Variants in VPS13C observed in about 807,000 individuals in gnomAD.
The protein encoded by VPS13C is vacuolar protein sorting 13 homolog C.
VPS13C carries 358 observed loss-of-function variants against 456.8 expected under a neutral mutation model. The ratio of observed to expected loss-of-function variants is 0.78; its 90% CI spans 0.72 to 0.86. VPS13C has a LOEUF of 0.86. Among genes scored for constraint, VPS13C ranks in the 40% least tolerant of loss-of-function variants. The pLI, the probability that VPS13C is intolerant of heterozygous loss-of-function variation, is 0.00. For missense variants in VPS13C, 4,818 were observed against 4,385.4 expected (o/e 1.10, Z -2.79); for synonymous variants, 1,578 against 1,486.7 (o/e 1.06, Z -1.41).
At chr15:61,951,691 T>C (rs765054222) in intron 39 of VPS13C, 133 bp downstream of exon 39, 16 of 902,728 alleles carry the variant, frequency 1.8e-5, no homozygotes, top group Non-Finnish European at 2.5e-5. Flanking sequence ...ACCCAGGGAC[T>C]GTTTTTGAAA....
chr15:61,959,773 T>C (rs970731271), intron 35 of VPS13C, among the ~76,000 whole-genome samples, 178 bp from the exon 36 acceptor site: 2 of 152,152 alleles, frequency 1.3e-5, no homozygotes, highest in African/African-American at 4.8e-5. Context: ...AGGGACAAAT[T>C]AAAAGGTGAT....
At chr15:61,865,097 T>C in intron 81 of VPS13C, 1 of 985,000 alleles carries the variant, frequency 1.0e-6, no homozygotes, top group Non-Finnish European at 1.2e-6. Flanking sequence ...AGATATTCAG[T>C]CACTAATGGC....
chr15:61,889,192 G>C (rs537992431), intron 67 of VPS13C, among the ~76,000 whole-genome samples: 198 of 152,044 alleles, frequency 1.3e-3, no homozygotes, highest in South Asian at 2.1e-3. Flanking sequence ...CAATATTAAA[G>C]TAAAAAGTTT....
Position 61,991,883 on chromosome 15 carries a change from T to C in VPS13C, c.1354-81A>G, listed in dbSNP as rs1322048315. ...GGTGTAGCCTGGGAAAAAAAAACAA[T>C]GGTTCTTTTTTTTTTTTTAACGCTA... On this transcript the variant is annotated intron_variant, in intron 16 of 84. Transcript: ENST00000644861. 25 of 1,445,116 alleles carry C rather than the reference T, an allele frequency of 1.7e-5. No homozygotes were observed. The African/African-American group carries it at 1.9e-4, about 11-fold the overall frequency. The allele number at this position is 1,445,116 out of a possible 1,614,324, so 89.5% of individuals were successfully genotyped here. A position where few individuals can be genotyped will look rare whatever the true frequency, so the allele number is the denominator to read the frequency against.
intron 52 of VPS13C, among the ~76,000 whole-genome samples, chr15:61,925,882 T>C (rs1305415875): frequency 2.0e-5 from 3 of 152,192 alleles, no homozygotes; most frequent in African/African-American, 7.2e-5. Flanking sequence ...ACCTTTGAAA[T>C]ATCTATAAAA....
Position 62,031,583 on chromosome 15 carries a change from C to T in VPS13C, c.385+1858G>A, listed in dbSNP as rs140755726. Reference sequence around the variant, plus strand: ...AATTCCTGAATTCATCTTTTAGTCTCAAAACTTTTTTGACAAATATAACAT... The same window carrying T: ...AATTCCTGAATTCATCTTTTAGTCTTAAAACTTTTTTGACAAATATAACAT... On this transcript the variant is annotated intron_variant, in intron 5 of 84. Coordinates refer to ENST00000644861, the MANE Select transcript of VPS13C (RefSeq NM_020821.3). 6.4e-3 allele frequency among the ~76,000 whole-genome samples: 972 copies of T among 151,954 alleles called. 7 individuals are homozygous for T. Among genetic ancestry groups the T allele is most frequent in the African/African-American group, 0.022 (918 of 41,502 alleles).
At chr15:62,047,697 G>A (rs1334433821) in intron 1 of VPS13C, among the ~76,000 whole-genome samples, 1 of 152,166 alleles carries the variant, frequency 6.6e-6, no homozygotes, top group Non-Finnish European at 1.5e-5. Context: ...TCAAGCAGTA[G>A]CTGAGTACTT....
intron 13 of VPS13C, among the ~76,000 whole-genome samples, chr15:62,009,950 G>A (rs540948187): frequency 1.3e-5 from 2 of 152,274 alleles, no homozygotes; most frequent in East Asian, 3.9e-4. Context: ...CACTCTGGGA[G>A]GCCGAGGCGG....
Position 61,951,979 on chromosome 15 carries a change from A to G in VPS13C, c.4301T>C (p.Val1434Ala). 1 of 1,611,810 alleles carries G rather than the reference A, an allele frequency of 6.2e-7. No homozygotes were observed. Among genetic ancestry groups the G allele is most frequent in the South Asian group, 1.1e-5 (1 of 90,534 alleles). Residue 1434 changes from valine to alanine, a missense_variant and splice_region_variant, in exon 39 of 85, where the codon GTT becomes GCT. Val to Ala is a moderately conservative substitution (Grantham distance 64). This residue lies in a region of VPS13C where 4,552 missense variants were observed against 4,130.6 expected (regional missense o/e 1.10). Transcript: ENST00000644861. ...NMLLNFEIKE[V>A]VVTLMKKSEK... The stretch of plus-strand genomic sequence containing the variant: ...TGATTTTTTCATCAAAGTAACCACA[A>G]CCTAAAAAACGGTACCAGTATTACC...
At chr15:61,908,830 A>C (rs2043217719) in intron 65 of VPS13C, among the ~76,000 whole-genome samples, 162 bp downstream of exon 65, 1 of 152,196 alleles carries the variant, frequency 6.6e-6, no homozygotes, top group African/African-American at 2.4e-5. Flanking sequence ...ATGTGTTTAC[A>C]GAGTGTTATC....
chr15:61,968,522 C>T (rs1163276836), intron 28 of VPS13C, among the ~76,000 whole-genome samples: 1 of 152,054 alleles, frequency 6.6e-6, no homozygotes, highest in African/African-American at 2.4e-5. Flanking sequence ...GGGACGACTG[C>T]ATTTGACTAA....
At chr15:62,009,359 G>C (rs1399687932) in intron 13 of VPS13C, among the ~76,000 whole-genome samples, 1 of 146,612 alleles carries the variant, frequency 6.8e-6, no homozygotes, top group Non-Finnish European at 1.5e-5. Flanking sequence ...AAGCAGAGAA[G>C]ATTAAAAAAA....
intron 21 of VPS13C, 49 bp from the exon 22 acceptor site, chr15:61,981,527 G>A: frequency 1.3e-6 from 2 of 1,514,918 alleles, no homozygotes; most frequent in Non-Finnish European, 8.9e-7. Context: ...GTTGAAATAT[G>A]TAATCATATT....
chr15:61,855,903 T>G (rs1893876688), intron 83 of VPS13C, among the ~76,000 whole-genome samples: 1 of 152,028 alleles, frequency 6.6e-6, no homozygotes, highest in Non-Finnish European at 1.5e-5. Context: ...AAAAGACATT[T>G]TATCAAATCA....
At chr15:61,896,303 AG>A (rs2042810011) in intron 66 of VPS13C, among the ~76,000 whole-genome samples, 1 of 152,240 alleles carries the variant, frequency 6.6e-6, no homozygotes, top group African/African-American at 2.4e-5. Flanking sequence ...TGAGCGACAC[AG>A]AAGACGGGTG....
intron 22 of VPS13C, among the ~76,000 whole-genome samples, chr15:61,980,725 C>A (rs2045857935): frequency 6.6e-6 from 1 of 152,108 alleles, no homozygotes; most frequent in Admixed American, 6.5e-5. Context: ...ATTCCCAGGA[C>A]CCTCAATCCT....
rs966553004 is a variant in VPS13C at position 61,961,743 on chromosome 15, T to A, written c.3754A>T (p.Ile1252Phe). 6.2e-7 allele frequency: 1 copy of A among 1,614,046 alleles called. No individual in the cohort carries two copies. The highest frequency in any genetic ancestry group is 1.3e-5 in the African/African-American group (1 of 75,010). Residue 1252 changes from isoleucine (I) to phenylalanine (F), a missense_variant, in exon 35 of 85, where the codon ATC becomes TTC. Ile to Phe is a conservative substitution (Grantham distance 21). Transcript: ENST00000644861. ...TTGGTGGAAATAGAAGACTGTGGGA[T>A]GACTATAACCGGTGCTTTCAAATCA... ...NIDLKAPVIV[I>F]PQSSISTNAV...
intron 66 of VPS13C, among the ~76,000 whole-genome samples, chr15:61,896,677 G>A (rs2042828213): frequency 6.6e-6 from 1 of 152,196 alleles, no homozygotes; most frequent in Non-Finnish European, 1.5e-5. Flanking sequence ...GCTGGGGGAG[G>A]GGTGCCCGCC....
At chr15:61,921,344 T>C (rs937136670) in intron 55 of VPS13C, among the ~76,000 whole-genome samples, 1 of 152,106 alleles carries the variant, frequency 6.6e-6, no homozygotes, top group Non-Finnish European at 1.5e-5. Flanking sequence ...TAACAATATA[T>C]GACTCAAGTT....
Sources: gnomAD v4.1 joint callset for allele counts (sites outside exome capture counted in the v4.1 genomes callset) on GRCh38, gnomAD v4.1.1 for gene constraint, gnomAD v4.1.1 regional missense constraint, MANE v1.5 for transcripts, NCBI Gene and HGNC (gene_info 2026-07-23, HGNC 2026-07-21) for gene names.